BRAP: variants seen among roughly 807,000 people sequenced by gnomAD.
The protein encoded by BRAP is BRCA1-associated protein.
BRAP carries 42 observed loss-of-function variants against 73.4 expected under a neutral mutation model. That is an observed-to-expected ratio of 0.57 (90% CI 0.45 to 0.74). The LOEUF is 0.74. Among genes scored for constraint, BRAP ranks in the 30% least tolerant of loss-of-function variants. The pLI, the probability that BRAP is intolerant of heterozygous loss-of-function variation, is 0.00. For synonymous variants in BRAP, 255 were observed against 267.4 expected, an observed-to-expected ratio of 0.95 and a Z score of 0.45; for missense variants, 593 against 751.4, an observed-to-expected ratio of 0.79 and a Z score of 2.46.
intron 4 of BRAP, among the ~76,000 whole-genome samples, chr12:111,676,839 T>C (rs905921714): frequency 2.0e-5 from 3 of 152,196 alleles, no homozygotes; most frequent in Non-Finnish European, 4.4e-5. Flanking sequence ...CTACAGCCGA[T>C]ATTAGTTTAA....
intron 6 of BRAP, among the ~76,000 whole-genome samples, chr12:111,663,952 G>T (rs1273133658): frequency 6.6e-6 from 1 of 152,136 alleles, no homozygotes; most frequent in Non-Finnish European, 1.5e-5. Context: ...TGTATAAAAT[G>T]AGGTTGTTGG....
chr12:111,644,982 C>G (rs1886055774), intron 11 of BRAP, among the ~76,000 whole-genome samples: 1 of 151,990 alleles, frequency 6.6e-6, no homozygotes, highest in African/African-American at 2.4e-5. Context: ...GTCTTGAACT[C>G]CCAACCTCAG....
At chr12:111,657,914 A>C (rs1786236780) in intron 9 of BRAP, among the ~76,000 whole-genome samples, 1 of 152,148 alleles carries the variant, frequency 6.6e-6, no homozygotes, top group African/African-American at 2.4e-5. Context: ...ATCACAATGA[A>C]AGTAACAAGG....
intron 4 of BRAP, among the ~76,000 whole-genome samples, chr12:111,674,568 G>A (rs1887306119): frequency 6.6e-6 from 1 of 152,122 alleles, no homozygotes. Context: ...ACATGACCAA[G>A]TGAGCTAAGC....
At position 111,643,980 on chromosome 12, in the gene BRAP, C is replaced by T; in HGVS notation, c.*219G>A. On this transcript the variant is annotated 3_prime_UTR_variant, in exon 12 of 12. Transcript: ENST00000419234. ...GTCATTAGAATGTGAGGTTAGTGAA[C>T]TCTTAAGACCTTTTCGAACGCAGCG... The T allele has an allele frequency of 3.0e-6, 2 of 657,624 alleles. No homozygotes were observed. Among genetic ancestry groups the T allele is most frequent in the Non-Finnish European group, 4.8e-6 (2 of 414,506 alleles). 40.7% of individuals were successfully genotyped at this position (657,624 alleles called of 1,614,324 possible).
intron 11 of BRAP, among the ~76,000 whole-genome samples, chr12:111,645,827 C>A (rs1886091719): frequency 6.6e-6 from 1 of 151,840 alleles, no homozygotes; most frequent in South Asian, 2.1e-4. Context: ...TGTCTCTACA[C>A]AAAATCAAAA....
chr12:111,649,945 T>C lies in BRAP; in HGVS notation c.1409A>G (p.Glu470Gly), dbSNP rs750942511. 1.9e-6 allele frequency: 3 copies of C among 1,598,414 alleles called. No individual in the cohort carries two copies. The highest frequency in any genetic ancestry group is 1.7e-6 in the Non-Finnish European group (2 of 1,166,318). ...ATAGACCGATTATACCTACTTTCTT[T>C]CCACAGACTGCTTTTCTTTTAGGAG... ...NDLLKEKQSV[E>G]RKCTQLNTKV... Residue 470 changes from glutamate (E) to glycine (G), a missense_variant, in exon 11 of 12, where the codon GAA (glutamate) becomes GGA (glycine). Glu to Gly is a moderately conservative substitution (Grantham distance 98). Around this residue, in one of 4 missense-constraint regions of BRAP, gnomAD observed 143 missense variants for 190.4 expected, o/e 0.75. Transcript: ENST00000419234.
chr12:111,655,444 T>C (rs1350468070), intron 10 of BRAP, 122 bp downstream of exon 10: 1 of 754,216 alleles, frequency 1.3e-6, no homozygotes. Context: ...TCTCCACCTA[T>C]TACCTGCCTG....
intron 5 of BRAP, among the ~76,000 whole-genome samples, chr12:111,671,167 G>T (rs1301761746): frequency 1.3e-5 from 2 of 151,970 alleles, no homozygotes; most frequent in African/African-American, 2.4e-5. Context: ...GAGCTGTATT[G>T]CTACTTTACA....
intron 4 of BRAP, among the ~76,000 whole-genome samples, chr12:111,676,303 C>T (rs1339243722): frequency 6.6e-6 from 1 of 152,180 alleles, no homozygotes; most frequent in Non-Finnish European, 1.5e-5. Context: ...TAGTTAGGTG[C>T]CCAGGCTATG....
chr12:111,659,797 G>C (rs907725214), intron 7 of BRAP, among the ~76,000 whole-genome samples: 1 of 152,080 alleles, frequency 6.6e-6, no homozygotes, highest in Admixed American at 6.6e-5. Flanking sequence ...CAGGAGTATC[G>C]CTTGAGCCTA....
chr12:111,674,855 G>C (rs114188380), intron 4 of BRAP, among the ~76,000 whole-genome samples: 1 of 152,120 alleles, frequency 6.6e-6, no homozygotes, highest in South Asian at 2.1e-4. Context: ...GATTCACCAG[G>C]AGAAAACGGA....
chr12:111,651,992 T>G (rs1360741562), intron 10 of BRAP, among the ~76,000 whole-genome samples: 1 of 152,136 alleles, frequency 6.6e-6, no homozygotes, highest in Non-Finnish European at 1.5e-5. Context: ...AGATTTAAAA[T>G]CGCTCAAATT....
intron 5 of BRAP, among the ~76,000 whole-genome samples, chr12:111,667,756 C>A (rs1185356620): frequency 7.4e-6 from 1 of 134,496 alleles, no homozygotes; most frequent in African/African-American, 3.0e-5. Flanking sequence ...AAAACTAACA[C>A]CCTACAATAT....
intron 6 of BRAP, among the ~76,000 whole-genome samples, chr12:111,662,168 T>C (rs1024308794): frequency 1.3e-5 from 2 of 152,184 alleles, no homozygotes; most frequent in African/African-American, 2.4e-5. Context: ...ATACTAGTCA[T>C]GAGTATTTTT....
intron 1 of BRAP, among the ~76,000 whole-genome samples, chr12:111,683,834 G>A (rs140432591): frequency 6.1e-4 from 93 of 152,134 alleles, no homozygotes; most frequent in African/African-American, 2.1e-3. Flanking sequence ...GAGCCACTGC[G>A]CCTGGCCCAA....
intron 5 of BRAP, among the ~76,000 whole-genome samples, chr12:111,670,797 A>T (rs1813645660): frequency 6.6e-6 from 1 of 152,018 alleles, no homozygotes; most frequent in African/African-American, 2.4e-5. Flanking sequence ...GCCCAGGTCT[A>T]ATTTAAAATA....
chr12:111,661,897 G>A (rs549508228), intron 6 of BRAP, among the ~76,000 whole-genome samples: 163 of 151,522 alleles, frequency 1.1e-3, no homozygotes, highest in African/African-American at 3.8e-3. Flanking sequence ...TTTTTAGTGG[G>A]CATAGGGTTT....
intron 4 of BRAP, among the ~76,000 whole-genome samples, chr12:111,677,828 T>C (rs902188166): frequency 3.3e-5 from 5 of 152,182 alleles, no homozygotes; most frequent in Non-Finnish European, 5.9e-5. Context: ...TGAAACCTTT[T>C]AAATGTCTCC....
Sources: allele counts gnomAD v4.1 joint callset (sites outside exome capture counted in the v4.1 genomes callset), GRCh38; gene constraint gnomAD v4.1.1; regional missense constraint gnomAD v4.1.1; transcripts MANE v1.5; gene names NCBI Gene and HGNC (gene_info 2026-07-23, HGNC 2026-07-21).